SETBP1: variants seen among roughly 807,000 people sequenced by gnomAD.
SETBP1 encodes SET binding protein 1, also known as SET-binding protein.
In SETBP1, 9 loss-of-function variants were observed where a neutral mutation model predicts 101.0. That is an observed-to-expected ratio of 0.09 (90% CI 0.05 to 0.16). The LOEUF is 0.16. Among genes scored for constraint, SETBP1 ranks in the 10% least tolerant of loss-of-function variants. The pLI, the probability that SETBP1 is intolerant of heterozygous loss-of-function variation, is 1.00. For synonymous variants in SETBP1, 818 were observed against 788.5 expected, an observed-to-expected ratio of 1.04 and a Z score of -0.63; for missense variants, 1,858 against 2,033.8, an observed-to-expected ratio of 0.91 and a Z score of 1.66.
chr18:44,772,072 A>C (rs2070886351), intron 2 of SETBP1, among the ~76,000 whole-genome samples: 1 of 151,880 alleles, frequency 6.6e-6, no homozygotes, highest in African/African-American at 2.4e-5. Flanking sequence ...TTGACCTTTA[A>C]ACTTTATGCT....
At chr18:44,742,854 C>T (rs1341821461) in intron 2 of SETBP1, among the ~76,000 whole-genome samples, 1 of 152,224 alleles carries the variant, frequency 6.6e-6, no homozygotes, top group Non-Finnish European at 1.5e-5. Flanking sequence ...CTGTTGCTCT[C>T]CATTACTGCT....
chr18:44,758,458 C>T (rs2070555767), intron 2 of SETBP1, among the ~76,000 whole-genome samples: 1 of 151,810 alleles, frequency 6.6e-6, no homozygotes, highest in Non-Finnish European at 1.5e-5. Context: ...TCTCAGCTCA[C>T]TGCAAGCTCT....
intron 4 of SETBP1, among the ~76,000 whole-genome samples, chr18:44,970,663 T>C (rs1034480719): frequency 3.3e-5 from 5 of 152,030 alleles, no homozygotes; most frequent in Non-Finnish European, 5.9e-5. Context: ...ACGATTCTCC[T>C]GCCTCAGCCT....
intron 4 of SETBP1, among the ~76,000 whole-genome samples, chr18:45,003,077 A>G (rs1010373487): frequency 5.9e-5 from 9 of 152,264 alleles, no homozygotes; most frequent in Non-Finnish European, 1.2e-4. Context: ...ACATTCCACA[A>G]AGCTGCCATC....
intron 4 of SETBP1, among the ~76,000 whole-genome samples, chr18:44,954,456 C>T (rs2071441133): frequency 6.6e-6 from 1 of 151,712 alleles, no homozygotes; most frequent in Non-Finnish European, 1.5e-5. Flanking sequence ...TGTAGCATTT[C>T]ACTTCTGTTT....
At chr18:44,697,853 G>T (rs1009294524) in intron 1 of SETBP1, among the ~76,000 whole-genome samples, 12 of 152,214 alleles carry the variant, frequency 7.9e-5, no homozygotes, top group Non-Finnish European at 1.6e-4. Flanking sequence ...AAAGGCTTGG[G>T]ATCTTTTTAT....
At chr18:45,006,244 G>A (rs560615761) in intron 4 of SETBP1, among the ~76,000 whole-genome samples, 56 of 152,172 alleles carry the variant, frequency 3.7e-4, no homozygotes, top group African/African-American at 1.1e-3. Flanking sequence ...GAGCCACCAT[G>A]CCCAGCCAAA....
intron 3 of SETBP1, among the ~76,000 whole-genome samples, chr18:44,895,306 G>A (rs1354345647): frequency 5.8e-5 from 6 of 103,362 alleles, no homozygotes; most frequent in Non-Finnish European, 9.8e-5. Flanking sequence ...AGGAAGGGGG[G>A]AGAGAGGGAG....
At chr18:44,976,715 G>C (rs1182844056) in intron 4 of SETBP1, among the ~76,000 whole-genome samples, 3 of 152,146 alleles carry the variant, frequency 2.0e-5, no homozygotes, top group Non-Finnish European at 4.4e-5. Context: ...GGATGATATG[G>C]GTGAGTTATT....
chr18:44,860,235 G>A (rs1308798383), intron 2 of SETBP1, among the ~76,000 whole-genome samples: 3 of 152,140 alleles, frequency 2.0e-5, no homozygotes, highest in Non-Finnish European at 4.4e-5. Flanking sequence ...ATATGTTCAA[G>A]GAGGGAATCC....
intron 4 of SETBP1, among the ~76,000 whole-genome samples, chr18:45,023,718 C>T (rs2073113615): frequency 6.6e-6 from 1 of 152,180 alleles, no homozygotes. Context: ...TTGGTAGTGT[C>T]CACCCTAAAT....
intron 3 of SETBP1, among the ~76,000 whole-genome samples, chr18:44,945,721 C>T (rs2071191446): frequency 6.6e-6 from 1 of 152,114 alleles, no homozygotes; most frequent in Non-Finnish European, 1.5e-5. Flanking sequence ...CTGCTGAGGG[C>T]TGAGGGTGGT....
intron 3 of SETBP1, among the ~76,000 whole-genome samples, chr18:44,910,970 C>T (rs988962250): frequency 1.3e-5 from 2 of 152,132 alleles, no homozygotes; most frequent in African/African-American, 4.8e-5. Context: ...TTGTGGGTAT[C>T]AATATAGGAC....
intron 2 of SETBP1, among the ~76,000 whole-genome samples, chr18:44,845,431 C>A (rs2072704828): frequency 6.6e-6 from 1 of 152,306 alleles, no homozygotes; most frequent in South Asian, 2.1e-4. Flanking sequence ...CTACATGGTG[C>A]CAGAGAGCTG....
intron 3 of SETBP1, among the ~76,000 whole-genome samples, chr18:44,938,798 C>T (rs535281327): frequency 1.2e-4 from 18 of 152,260 alleles, no homozygotes; most frequent in African/African-American, 4.3e-4. Flanking sequence ...CTTCTTGATT[C>T]GGGCTCTATT....
chr18:44,953,317 C>T lies in SETBP1; in HGVS notation c.3977C>T (p.Ser1326Phe), dbSNP rs1258157461. 4 of 1,613,798 alleles carry T rather than the reference C, an allele frequency of 2.5e-6. No homozygotes were observed. The South Asian group carries it at 4.4e-5, about 18-fold the overall frequency. Residue 1326 changes from serine to phenylalanine, a missense_variant, in exon 4 of 6, where the codon TCT (serine) becomes TTT (phenylalanine). Around this residue, in one of 12 missense-constraint regions of SETBP1, gnomAD observed 417 missense variants for 389.1 expected, o/e 1.07. Transcript: ENST00000649279. ...AFKMNRKERS[S>F]YDSSMSPGMP... ...AAGATGAACCGCAAGGAGAGAAGTT[C>T]TTATGACTCCTCCATGTCTCCAGGT...
At chr18:44,887,407 G>C (rs964810787) in intron 3 of SETBP1, among the ~76,000 whole-genome samples, 1 of 152,128 alleles carries the variant, frequency 6.6e-6, no homozygotes, top group Non-Finnish European at 1.5e-5. Flanking sequence ...GAAGTCCCCA[G>C]TTGCCTGGTT....
intron 4 of SETBP1, among the ~76,000 whole-genome samples, chr18:44,997,615 C>T (rs1014697270): frequency 1.3e-5 from 2 of 152,108 alleles, no homozygotes; most frequent in Non-Finnish European, 2.9e-5. Flanking sequence ...GAAATGGATA[C>T]CATATCTTTA....
intron 1 of SETBP1, among the ~76,000 whole-genome samples, chr18:44,683,846 T>C (rs1183469334): frequency 6.6e-6 from 1 of 152,234 alleles, no homozygotes; most frequent in Non-Finnish European, 1.5e-5. Context: ...TAAATAACTT[T>C]TTGCTGATGG....
Sources: gnomAD v4.1 joint callset for allele counts (sites outside exome capture counted in the v4.1 genomes callset) on GRCh38, gnomAD v4.1.1 for gene constraint, gnomAD v4.1.1 regional missense constraint, MANE v1.5 for transcripts, NCBI Gene and HGNC (gene_info 2026-07-23, HGNC 2026-07-21) for gene names.